TXLNB: variants seen among roughly 807,000 people sequenced by gnomAD.
TXLNB encodes the protein taxilin beta.
In TXLNB, 37 loss-of-function variants were observed where a neutral mutation model predicts 57.4. That is an observed-to-expected ratio of 0.64 (90% CI 0.50 to 0.85). The LOEUF (loss-of-function observed/expected upper bound fraction) is 0.85, where lower values mean the gene tolerates loss of function less well. Ranked by LOEUF, TXLNB falls within the 40% of genes least tolerant of loss-of-function variation. TXLNB has a pLI of 0.00. For missense variants in TXLNB, 848 were observed against 825.6 expected, an observed-to-expected ratio of 1.03 and a Z score of -0.33; for synonymous variants, 302 against 309.6, an observed-to-expected ratio of 0.98 and a Z score of 0.26.
At chr6:139,168,391 T>G in the TXLNB span, among the ~76,000 whole-genome samples, 5 of 151,002 alleles carry the variant, frequency 3.3e-5, no homozygotes, top group African/African-American at 1.2e-4. Flanking sequence ...CCTTTTGTTT[T>G]TATTAGGGTT....
At chr6:139,230,443 A>T in the TXLNB span, among the ~76,000 whole-genome samples, 1 of 152,214 alleles carries the variant, frequency 6.6e-6, no homozygotes, top group African/African-American at 2.4e-5. Context: ...CAGCTGGATA[A>T]TAGCAGAGAA....
At chr6:139,273,389 A>G (rs1252464280) in intron 3 of TXLNB, among the ~76,000 whole-genome samples, 1 of 152,244 alleles carries the variant, frequency 6.6e-6, no homozygotes, top group Admixed American at 6.5e-5. Context: ...AAGACACCCT[A>G]CAGGTGTTTC....
chr6:139,245,033 G>A (rs1432852010), intron 8 of TXLNB, among the ~76,000 whole-genome samples: 1 of 152,196 alleles, frequency 6.6e-6, no homozygotes, highest in African/African-American at 2.4e-5. Context: ...GTATTGAATA[G>A]AAGACTATCA....
chr6:139,285,025 G>A (rs764367932), intron 2 of TXLNB, among the ~76,000 whole-genome samples: 4 of 144,982 alleles, frequency 2.8e-5, no homozygotes, highest in Non-Finnish European at 6.1e-5. Flanking sequence ...AATTAGAGTG[G>A]ACACACCTAG....
At chr6:139,307,714 A>G in the TXLNB span, among the ~76,000 whole-genome samples, 1 of 152,068 alleles carries the variant, frequency 6.6e-6, no homozygotes, top group Non-Finnish European at 1.5e-5. Context: ...CTTGTTCAAC[A>G]TAGTATTGGG....
At chr6:139,275,136 G>C (rs1464293429) in intron 3 of TXLNB, among the ~76,000 whole-genome samples, 1 of 151,898 alleles carries the variant, frequency 6.6e-6, no homozygotes, top group Admixed American at 6.6e-5. Context: ...GCCTATTTCT[G>C]GAAATTTTTC....
At chr6:139,198,546 C>T in the TXLNB span, among the ~76,000 whole-genome samples, 1 of 152,126 alleles carries the variant, frequency 6.6e-6, no homozygotes, top group African/African-American at 2.4e-5. Flanking sequence ...TTTTGCAGCC[C>T]TCTCCCCAAG....
the TXLNB span, among the ~76,000 whole-genome samples, chr6:139,227,883 C>A: frequency 6.6e-6 from 1 of 152,140 alleles, no homozygotes; most frequent in African/African-American, 2.4e-5. Context: ...ACAGGCAAAA[C>A]AAATGTGCTT....
chr6:139,251,390 CCTCT>C (rs1326603174), intron 7 of TXLNB: 1 of 152,218 alleles, frequency 6.6e-6, no homozygotes, highest in Non-Finnish European at 1.5e-5. Context: ...TCCTATTTGA[CCTCT>C]CTGTCTGGTG....
At chr6:139,220,922 G>A in the TXLNB span, among the ~76,000 whole-genome samples, 1 of 152,152 alleles carries the variant, frequency 6.6e-6, no homozygotes, top group East Asian at 1.9e-4. Context: ...TAATGAAATT[G>A]ATGCTCAAGA....
downstream of TXLNB, among the ~76,000 whole-genome samples, chr6:139,238,271 G>A (rs1775858562): frequency 6.6e-6 from 1 of 152,174 alleles, no homozygotes; most frequent in Non-Finnish European, 1.5e-5. Context: ...GCAGGTGCCT[G>A]TAATCCCAGC....
the TXLNB span, among the ~76,000 whole-genome samples, chr6:139,215,861 A>G: frequency 4.6e-5 from 7 of 152,192 alleles, no homozygotes; most frequent in Non-Finnish European, 1.0e-4. Flanking sequence ...CAGCCTAAAA[A>G]CACATGAAAA....
chr6:139,168,425 G>GT, the TXLNB span, among the ~76,000 whole-genome samples: 13,330 of 138,144 alleles, frequency 0.096, 884 homozygotes, highest in Admixed American at 0.19. Flanking sequence ...GATTTGCATA[G>GT]TTTTTTTTTT....
At chr6:139,262,208 A>AATAC (rs1311985744) in intron 5 of TXLNB, among the ~76,000 whole-genome samples, 2 of 152,172 alleles carry the variant, frequency 1.3e-5, no homozygotes, top group African/African-American at 4.8e-5. Context: ...GCCTGGCCAG[A>AATAC]ATACAGACTC....
the TXLNB span, among the ~76,000 whole-genome samples, chr6:139,188,889 G>A: frequency 1.1e-4 from 17 of 152,170 alleles, no homozygotes; most frequent in Non-Finnish European, 2.2e-4. Flanking sequence ...TGAGTAGCTG[G>A]GATTACAGGC....
chr6:139,321,499 G>A, the TXLNB span, among the ~76,000 whole-genome samples: 1 of 150,008 alleles, frequency 6.7e-6, no homozygotes, highest in Non-Finnish European at 1.5e-5. Flanking sequence ...CCAGTCTATG[G>A]TACTTTGTTA....
chr6:139,200,478 G>T, the TXLNB span, among the ~76,000 whole-genome samples: 1 of 152,146 alleles, frequency 6.6e-6, no homozygotes, highest in East Asian at 1.9e-4. Flanking sequence ...ACCATGGAAG[G>T]ATATTGAGCA....
the TXLNB span, among the ~76,000 whole-genome samples, chr6:139,206,613 G>A: frequency 6.6e-6 from 1 of 151,692 alleles, no homozygotes; most frequent in Non-Finnish European, 1.5e-5. Flanking sequence ...GGCGGAGGTT[G>A]TAGTTAGCTG....
chr6:139,217,363 G>A, the TXLNB span, among the ~76,000 whole-genome samples: 4 of 152,136 alleles, frequency 2.6e-5, no homozygotes, highest in Non-Finnish European at 4.4e-5. Context: ...TTGCACAGAA[G>A]CTTGCAAAAA....
Sources: allele counts gnomAD v4.1 joint callset (sites outside exome capture counted in the v4.1 genomes callset), GRCh38; gene constraint gnomAD v4.1.1; transcripts MANE v1.5; gene names NCBI Gene and HGNC (gene_info 2026-07-23, HGNC 2026-07-21).